The following SHB variants were observed in gnomAD, a reference collection of about 807,000 sequenced individuals.
The protein encoded by SHB is SH2 domain-containing adapter protein B.
In SHB, 20 loss-of-function variants were observed where a neutral mutation model predicts 52.3. The observed-to-expected ratio is 0.38, with a 90% confidence interval of 0.27 to 0.56. The LOEUF is 0.56. Among genes scored for constraint, SHB ranks in the 20% least tolerant of loss-of-function variants. The pLI is 0.71. For synonymous variants in SHB, 397 were observed against 316.5 expected (o/e 1.25, Z -2.70); for missense variants, 825 against 723.3 (o/e 1.14, Z -1.61).
chr9:38,028,297 C>A (rs554913980), intron 1 of SHB, among the ~76,000 whole-genome samples: 2 of 152,320 alleles, frequency 1.3e-5, no homozygotes, highest in East Asian at 3.9e-4. Flanking sequence ...AGCTGTTGTG[C>A]CAATAATGGA....
At chr9:38,029,616 G>A (rs192893426) in intron 1 of SHB, among the ~76,000 whole-genome samples, 184 of 152,004 alleles carry the variant, frequency 1.2e-3, no homozygotes, top group Middle Eastern at 6.8e-3. Flanking sequence ...TCTGCCTCCC[G>A]AGTAGCTGGG....
intron 5 of SHB, among the ~76,000 whole-genome samples, chr9:37,933,179 G>A (rs569591796): frequency 2.6e-5 from 4 of 152,254 alleles, no homozygotes; most frequent in African/African-American, 4.8e-5. Context: ...ATGAATGACC[G>A]TGGTTCCTGG....
At chr9:38,042,668 G>A (rs1379003517) in intron 1 of SHB, among the ~76,000 whole-genome samples, 1 of 152,220 alleles carries the variant, frequency 6.6e-6, no homozygotes, top group African/African-American at 2.4e-5. Flanking sequence ...AATCACTTGT[G>A]ACAGGCTCTT....
intron 5 of SHB, among the ~76,000 whole-genome samples, chr9:37,937,956 C>T (rs1477833863): frequency 6.6e-6 from 1 of 152,132 alleles, no homozygotes; most frequent in Non-Finnish European, 1.5e-5. Context: ...CTCTGACTCC[C>T]CAAAAGTCTG....
At chr9:37,961,438 G>C (rs1832691070) in intron 3 of SHB, among the ~76,000 whole-genome samples, 1 of 152,150 alleles carries the variant, frequency 6.6e-6, no homozygotes, top group Non-Finnish European at 1.5e-5. Context: ...CTAAAGCATA[G>C]CTCTCCTGGG....
chr9:38,038,081 T>C (rs566299734), intron 1 of SHB, among the ~76,000 whole-genome samples: 75 of 152,278 alleles, frequency 4.9e-4, no homozygotes, highest in African/African-American at 1.5e-3. Context: ...CCCAGAATCT[T>C]CCCCTAACCC....
At chr9:38,036,715 G>A (rs1587256590) in intron 1 of SHB, among the ~76,000 whole-genome samples, 1 of 152,184 alleles carries the variant, frequency 6.6e-6, no homozygotes, top group East Asian at 1.9e-4. Context: ...GGACAGTGAG[G>A]GACTTGAGAG....
chr9:37,986,786 G>A (rs1426484102), intron 2 of SHB, among the ~76,000 whole-genome samples: 2 of 152,170 alleles, frequency 1.3e-5, no homozygotes, highest in Non-Finnish European at 2.9e-5. Context: ...GGGCATCCCC[G>A]GGGCCCCTGT....
At chr9:37,977,307 T>C (rs1457221000) in intron 2 of SHB, among the ~76,000 whole-genome samples, 2 of 151,988 alleles carry the variant, frequency 1.3e-5, no homozygotes, top group Non-Finnish European at 2.9e-5. Flanking sequence ...AGAGGTGAGA[T>C]TTGCAAGTGT....
chr9:38,045,427 C>A (rs1024175586), intron 1 of SHB, among the ~76,000 whole-genome samples: 2 of 150,674 alleles, frequency 1.3e-5, no homozygotes, highest in Admixed American at 6.6e-5. Flanking sequence ...ATGGTGAGAC[C>A]CCCCCCACCC....
intron 2 of SHB, among the ~76,000 whole-genome samples, chr9:38,014,767 G>A (rs1486518486): frequency 3.3e-5 from 5 of 152,052 alleles, no homozygotes; most frequent in Admixed American, 1.3e-4. Flanking sequence ...GGAGGAGCAG[G>A]AGGCAGAGAA....
intron 1 of SHB, among the ~76,000 whole-genome samples, chr9:38,032,639 C>T (rs1234456526): frequency 6.6e-6 from 1 of 152,208 alleles, no homozygotes; most frequent in East Asian, 1.9e-4. Context: ...GCAGTGCTTC[C>T]GCCTGCAGCC....
intron 3 of SHB, among the ~76,000 whole-genome samples, chr9:37,972,636 GC>G (rs1820604162): frequency 1.3e-5 from 2 of 152,224 alleles, no homozygotes; most frequent in African/African-American, 4.8e-5. Context: ...ACCAGGGAGG[GC>G]TTGGAGAGAT....
intron 2 of SHB, among the ~76,000 whole-genome samples, chr9:37,978,485 C>A (rs1237694577): frequency 6.6e-6 from 1 of 152,222 alleles, no homozygotes; most frequent in Non-Finnish European, 1.5e-5. Flanking sequence ...TTAAAATGAT[C>A]AATCTGAAGA....
chr9:38,048,168 A>G (rs1338233838), intron 1 of SHB, among the ~76,000 whole-genome samples: 4 of 152,222 alleles, frequency 2.6e-5, no homozygotes, highest in Non-Finnish European at 4.4e-5. Flanking sequence ...AATTTCCAAT[A>G]GTAATTAAAT....
intron 2 of SHB, among the ~76,000 whole-genome samples, chr9:37,976,687 T>C (rs1171103458): frequency 1.3e-5 from 2 of 152,160 alleles, no homozygotes; most frequent in Non-Finnish European, 2.9e-5. Context: ...TTGGCTGGAG[T>C]ACCAGGTCCA....
At chr9:37,962,949 C>T (rs556376680) in intron 3 of SHB, among the ~76,000 whole-genome samples, 4 of 152,162 alleles carry the variant, frequency 2.6e-5, no homozygotes, top group East Asian at 1.9e-4. Context: ...AAGTGACGCC[C>T]GGTATGGTTA....
intron 1 of SHB, among the ~76,000 whole-genome samples, chr9:38,036,593 C>T (rs1369750633): frequency 1.3e-5 from 2 of 152,108 alleles, no homozygotes; most frequent in African/African-American, 2.4e-5. Context: ...AAATGAGCTC[C>T]GAAAGACAGG....
chr9:38,009,711 A>T (rs114778652), intron 2 of SHB, among the ~76,000 whole-genome samples: 1,986 of 152,308 alleles, frequency 0.013, 43 homozygotes, highest in African/African-American at 0.045. Flanking sequence ...TTGCCTTTAA[A>T]ATCAGTGACT....
Sources: allele counts gnomAD v4.1 joint callset (sites outside exome capture counted in the v4.1 genomes callset), GRCh38; gene constraint gnomAD v4.1.1; transcripts MANE v1.5; gene names NCBI Gene and HGNC (gene_info 2026-07-23, HGNC 2026-07-21).